Variants in RIMBP2 observed in about 807,000 individuals in gnomAD.
RIMBP2 encodes RIMS-binding protein 2.
RIMBP2 carries 48 observed loss-of-function variants against 118.6 expected under a neutral mutation model. That is an observed-to-expected ratio of 0.40 (90% CI 0.32 to 0.51). The LOEUF is 0.51. RIMBP2 is among the 20% of genes least tolerant of loss of function. The probability of loss-of-function intolerance (pLI) is 0.41; values close to 1 mark genes in which losing one functional copy is unlikely to be tolerated. For missense variants in RIMBP2, 1,551 were observed against 1,768.3 expected (o/e 0.88, Z 2.20); for synonymous variants, 762 against 742.9 (o/e 1.03, Z -0.42).
chr12:130,483,295 C>T (rs11060937), intron 4 of RIMBP2, among the ~76,000 whole-genome samples: 11,095 of 54,472 alleles, frequency 0.2, 2,069 homozygotes, highest in Non-Finnish European at 0.34. Flanking sequence ...CATCCAAATA[C>T]GCCGATTGTG....
intron 2 of RIMBP2, among the ~76,000 whole-genome samples, chr12:130,566,174 T>TGC (rs2057202946): frequency 7.0e-6 from 1 of 142,948 alleles, no homozygotes; most frequent in Admixed American, 6.9e-5. Context: ...TATACACACA[T>TGC]GCACACACAC....
At chr12:130,414,759 C>T (rs1358042842) in intron 17 of RIMBP2, 2 of 154,764 alleles carry the variant, frequency 1.3e-5, no homozygotes, top group African/African-American at 4.8e-5. Flanking sequence ...TAACTGGCAA[C>T]AAATGCATCC....
intron 1 of RIMBP2, among the ~76,000 whole-genome samples, chr12:130,692,895 A>AGGGTAGGGTAGGATAGGATAGGGTAGGG (rs750544039): frequency 1.7e-5 from 2 of 114,560 alleles, no homozygotes; most frequent in African/African-American, 7.5e-5. Flanking sequence ...GTAGGGTAGG[A>AGGGTAGGGTAGGATAGGATAGGGTAGGG]TAGGATAGGG....
chr12:130,532,207 T>C (rs1458872175), intron 2 of RIMBP2, among the ~76,000 whole-genome samples: 2 of 139,310 alleles, frequency 1.4e-5, no homozygotes, highest in Non-Finnish European at 3.2e-5. Flanking sequence ...GTGTGTAGCC[T>C]CTAGGAGTTA....
At chr12:130,566,120 G>T (rs1363840497) in intron 2 of RIMBP2, among the ~76,000 whole-genome samples, 3 of 152,054 alleles carry the variant, frequency 2.0e-5, no homozygotes, top group Non-Finnish European at 4.4e-5. Context: ...AATTCATTTT[G>T]CTCAGTCTGC....
At position 130,581,160 on chromosome 12, in the gene RIMBP2, T is replaced by C. The variant is rs2058455564; in HGVS notation, c.-217+47162A>G. ...CAGGCAGGTCCTGGACAGAGCAGTG[T>C]GTTTGTCACATACAAAAGAGACTAG... is the stretch of plus-strand genomic sequence containing the variant. On this transcript the variant is annotated intron_variant, in intron 2 of 22. Transcript: ENST00000690449. This position sits in a 1 kb window ranked among gnomAD's most constrained non-coding sequence, Gnocchi z 4.4. Among the ~76,000 whole-genome samples, 1 of 152,058 alleles carries C rather than the reference T, an allele frequency of 6.6e-6. No homozygotes were observed. Among genetic ancestry groups the C allele is most frequent in the Non-Finnish European group, 1.5e-5 (1 of 68,020 alleles).
At chr12:130,467,109 C>T (rs758041420) in intron 6 of RIMBP2, among the ~76,000 whole-genome samples, 31 of 152,174 alleles carry the variant, frequency 2.0e-4, no homozygotes, top group Non-Finnish European at 4.3e-4. Context: ...GTAGGCTGAA[C>T]GAACTCTGTG....
At chr12:130,589,660 T>C (rs2059134108) in intron 2 of RIMBP2, among the ~76,000 whole-genome samples, 1 of 152,242 alleles carries the variant, frequency 6.6e-6, no homozygotes, top group South Asian at 2.1e-4. Flanking sequence ...GTTATCTTGA[T>C]TTAATCCTTC....
At position 130,629,724 on chromosome 12, in the gene RIMBP2, T is replaced by A. The variant is rs116746680; in HGVS notation, c.-351-1268A>T. ...GACTGGAAATATTTTGGTAGAAAACTACAATCCAAGAGCAAAGACCATGTT... is the reference window on the plus strand; with the variant it reads ...GACTGGAAATATTTTGGTAGAAAACAACAATCCAAGAGCAAAGACCATGTT... On this transcript the variant is annotated intron_variant, in intron 1 of 22. Coordinates refer to ENST00000690449, the MANE Select transcript of RIMBP2 (RefSeq NM_001393629.1). 2.6e-3 allele frequency among the ~76,000 whole-genome samples: 391 copies of A among 152,270 alleles called. 2 individuals are homozygous for A. Among genetic ancestry groups the A allele is most frequent in the African/African-American group, 9.1e-3 (378 of 41,540 alleles).
chr12:130,517,558 G>A (rs1436415454), intron 3 of RIMBP2, among the ~76,000 whole-genome samples: 1 of 152,030 alleles, frequency 6.6e-6, no homozygotes, highest in Non-Finnish European at 1.5e-5. Flanking sequence ...GGGAGAGTGG[G>A]CACCAATGGG....
At chr12:130,580,926 GGTGTGT>G (rs34292565) in intron 2 of RIMBP2, among the ~76,000 whole-genome samples, 2 of 149,442 alleles carry the variant, frequency 1.3e-5, no homozygotes, top group East Asian at 3.9e-4. Context: ...ACCCAGCAAT[GGTGTGT>G]GTGTGTGTGT....
intron 19 of RIMBP2, among the ~76,000 whole-genome samples, chr12:130,408,853 T>G (rs918488884): frequency 2.6e-5 from 4 of 152,204 alleles, no homozygotes; most frequent in African/African-American, 9.6e-5. Context: ...ATGTGGCTTT[T>G]CAGTGGTTTT....
At chr12:130,503,977 T>C (rs986484527) in intron 4 of RIMBP2, among the ~76,000 whole-genome samples, 1 of 152,212 alleles carries the variant, frequency 6.6e-6, no homozygotes, top group East Asian at 1.9e-4. Context: ...TCAATTATCA[T>C]TTTTTAAGTA....
Position 130,456,707 on chromosome 12 carries a change from G to A in RIMBP2, c.154-7C>T, listed in dbSNP as rs986761759. On this transcript the variant is annotated splice_polypyrimidine_tract_variant and splice_region_variant and intron_variant, in intron 6 of 22. Coordinates refer to ENST00000690449, the MANE Select transcript of RIMBP2 (RefSeq NM_001393629.1). ...CCAGCTCTCGAACCTTGGACTGCAC[G>A]GCAGAAGCAGGACAGGGGGTCAGCG... The A allele has an allele frequency of 1.3e-5, 21 of 1,593,032 alleles. No homozygotes were observed. Among genetic ancestry groups the A allele is most frequent in the South Asian group, 4.5e-5 (4 of 89,738 alleles).
At chr12:130,504,470 G>C (rs982560173) in intron 4 of RIMBP2, among the ~76,000 whole-genome samples, 1 of 152,096 alleles carries the variant, frequency 6.6e-6, no homozygotes, top group African/African-American at 2.4e-5. Flanking sequence ...CAACTCAAAG[G>C]GTGTGAGGTC....
At chr12:130,504,218 G>A (rs185663597) in intron 4 of RIMBP2, among the ~76,000 whole-genome samples, 14 of 152,250 alleles carry the variant, frequency 9.2e-5, no homozygotes, top group East Asian at 3.9e-4. Flanking sequence ...TTGGTGGCCC[G>A]GTCACCAGGC....
chr12:130,431,210 G>A lies in RIMBP2; in HGVS notation c.2254-2873C>T, dbSNP rs1342690999. On this transcript the variant is annotated intron_variant, in intron 14 of 22. Coordinates refer to ENST00000690449, the MANE Select transcript of RIMBP2 (RefSeq NM_001393629.1). The surrounding 1 kb of genome is among the most constrained non-coding windows in gnomAD (Gnocchi z 4.0). ...CATTCATTGAGCACCTACTATGTGT[G>A]AAATGCTAGAGATACCGTAGTCAAC... Among the ~76,000 whole-genome samples the A allele has an allele frequency of 6.6e-6, 1 of 152,168 alleles. No homozygotes were observed. Among genetic ancestry groups the A allele is most frequent in the African/African-American group, 2.4e-5 (1 of 41,432 alleles).
chr12:130,535,429 G>A (rs763977046), intron 2 of RIMBP2, among the ~76,000 whole-genome samples: 3 of 152,014 alleles, frequency 2.0e-5, no homozygotes, highest in Admixed American at 6.6e-5. Flanking sequence ...CAGGAGGATC[G>A]CTTGAGCCCA....
chr12:130,592,248 C>G (rs1423377330), intron 2 of RIMBP2, among the ~76,000 whole-genome samples: 3 of 152,352 alleles, frequency 2.0e-5, no homozygotes, highest in African/African-American at 4.8e-5. Context: ...TACCATCAGC[C>G]CTGGCGGGTG....
Sources: allele counts gnomAD v4.1 joint callset (sites outside exome capture counted in the v4.1 genomes callset), GRCh38; gene constraint gnomAD v4.1.1; non-coding constraint Gnocchi (gnomAD v3.1); transcripts MANE v1.5; gene names NCBI Gene and HGNC (gene_info 2026-07-23, HGNC 2026-07-21).